ZFP30: variants seen among roughly 807,000 people sequenced by gnomAD.
ZFP30 encodes zinc finger protein 30 homolog.
In ZFP30, 16 loss-of-function variants were observed where a neutral mutation model predicts 12.3. That is an observed-to-expected ratio of 1.30 (90% CI 0.88 to 1.98). ZFP30 has a LOEUF of 1.98. Among genes scored for constraint, ZFP30 ranks in the 30% most tolerant of loss-of-function variants. The pLI, the probability that ZFP30 is intolerant of heterozygous loss-of-function variation, is 0.00. For missense variants in ZFP30, 560 were observed against 611.2 expected, an observed-to-expected ratio of 0.92 and a Z score of 0.88; for synonymous variants, 172 against 201.0, an observed-to-expected ratio of 0.86 and a Z score of 1.22.
chr19:37,631,204 A>T lies in ZFP30; in HGVS notation c.*3777T>A, dbSNP rs2044227139. 6.6e-6 allele frequency: 1 copy of T among 152,226 alleles called. No individual in the cohort carries two copies. The highest frequency in any genetic ancestry group is 1.5e-5 in the Non-Finnish European group (1 of 68,042). The allele number at this position is 152,226 out of a possible 1,614,324, so 9.4% of individuals were successfully genotyped here. A position where few individuals can be genotyped will look rare whatever the true frequency, so the allele number is the denominator to read the frequency against. ...TTTTGGTTACAGCACTTATCTGTTA[A>T]AATGGGTTCATATCCCATACTCACA... On this transcript the variant is annotated 3_prime_UTR_variant, in exon 6 of 6. Coordinates refer to ENST00000684514, the MANE Select transcript of ZFP30 (RefSeq NM_001320669.3).
At chr19:37,643,881 T>G (rs2044487694) in intron 4 of ZFP30, among the ~76,000 whole-genome samples, 1 of 152,218 alleles carries the variant, frequency 6.6e-6, no homozygotes. Flanking sequence ...AGTTAAAATA[T>G]GTCTGTTGTA....
rs933819761 is a variant in ZFP30, at chr19:37,631,414, C to T, written c.*3567G>A. 1 of 152,090 alleles carries T rather than the reference C, an allele frequency of 6.6e-6. No individual in the cohort carries two copies. Among genetic ancestry groups the T allele is most frequent in the Non-Finnish European group, 1.5e-5 (1 of 68,030 alleles). 9.4% of individuals were successfully genotyped at this position (152,090 alleles called of 1,614,324 possible). On this transcript the variant is annotated 3_prime_UTR_variant, in exon 6 of 6. Coordinates refer to ENST00000684514, the MANE Select transcript of ZFP30 (RefSeq NM_001320669.3). ...AAAATACCATCAAGCACTAGTGTTTCCTGGGAAATGGTTTCAAATGCTATC... is the reference window on the plus strand; with the variant it reads ...AAAATACCATCAAGCACTAGTGTTTTCTGGGAAATGGTTTCAAATGCTATC...
intron 3 of ZFP30, among the ~76,000 whole-genome samples, chr19:37,645,366 G>C (rs556302356): frequency 6.6e-6 from 1 of 152,152 alleles, no homozygotes; most frequent in South Asian, 2.1e-4. Context: ...TGTTCTTGAA[G>C]ATTTCTATAA....
In ZFP30 at chr19:37,646,246, G is replaced by A. The variant is rs185630266; in HGVS notation, c.10-1510C>T. ...AGGCATCCACTGGGGGTCTTGGAAT[G>A]TATCCCCCTTGGGTAACGAGGGACT... On this transcript the variant is annotated intron_variant, in intron 3 of 5. Transcript: ENST00000684514. Among the ~76,000 whole-genome samples the A allele has an allele frequency of 3.0e-3, 455 of 152,278 alleles. 1 individual carries two copies. The highest frequency in any genetic ancestry group is 4.5e-3 in the Non-Finnish European group (306 of 68,028).
chr19:37,637,080 T>C (rs1042881177), intron 5 of ZFP30, among the ~76,000 whole-genome samples: 5 of 152,172 alleles, frequency 3.3e-5, no homozygotes, highest in African/African-American at 7.2e-5. Flanking sequence ...TGGGTTTGCA[T>C]GGTTGGGTTT....
intron 2 of ZFP30, among the ~76,000 whole-genome samples, chr19:37,653,894 G>T (rs1164889088): frequency 6.6e-6 from 1 of 152,094 alleles, no homozygotes; most frequent in Non-Finnish European, 1.5e-5. Flanking sequence ...CCCTGTTCTG[G>T]TCCACTGCAG....
chr19:37,631,252 G>A lies in ZFP30; in HGVS notation c.*3729C>T, dbSNP rs1235844018. ...ACAAGCATTAAGAGTGAAAGTTACA[G>A]GGTAAAAGGTGCTTCAGATACATTA... On this transcript the variant is annotated 3_prime_UTR_variant, in exon 6 of 6. Coordinates refer to ENST00000684514, the MANE Select transcript of ZFP30 (RefSeq NM_001320669.3). 1 of 152,132 alleles carries A rather than the reference G, an allele frequency of 6.6e-6. No homozygotes were observed. Among genetic ancestry groups the A allele is most frequent in the Non-Finnish European group, 1.5e-5 (1 of 68,034 alleles). The allele number at this position is 152,132 out of a possible 1,614,324, so 9.4% of individuals were successfully genotyped here.
At chr19:37,654,069 G>C (rs1302684211) in intron 2 of ZFP30, among the ~76,000 whole-genome samples, 2 of 152,202 alleles carry the variant, frequency 1.3e-5, no homozygotes, top group African/African-American at 4.8e-5. Context: ...ACTCTCCTAA[G>C]AGCTTCACAA....
chr19:37,636,053 CA>C lies in ZFP30; in HGVS notation c.487del (p.Cys163ValfsTer129). 1.2e-6 allele frequency: 2 copies of C among 1,614,176 alleles called. No individual in the cohort carries two copies. Among genetic ancestry groups the C allele is most frequent in the Middle Eastern group, 3.3e-4 (2 of 6,062 alleles). Reference sequence around the variant, plus strand: ...TTGTCGTACTCTAAAAGCCTTCCCACATTCCCCACATTCGTAGGGTTTCTCT... The same window carrying C: ...TTGTCGTACTCTAAAAGCCTTCCCACTTCCCCACATTCGTAGGGTTTCTCT... ...NREKPYECGECGKAFRVRQQL... is the reference protein window; with the variant it reads ...NREKPYECGEXGKAFRVRQQL... On this transcript the variant is annotated frameshift_variant, in exon 6 of 6. Transcript: ENST00000684514. LOFTEE classifies it low-confidence loss of function (END_TRUNC).
intron 2 of ZFP30, among the ~76,000 whole-genome samples, chr19:37,652,985 C>T (rs1288013758): frequency 2.6e-5 from 4 of 151,788 alleles, no homozygotes; most frequent in Non-Finnish European, 4.4e-5. Context: ...GGCATGGTGG[C>T]GGGCACCTGT....
At chr19:37,642,883 T>C (rs2044463190) in intron 5 of ZFP30, among the ~76,000 whole-genome samples, 1 of 151,604 alleles carries the variant, frequency 6.6e-6, no homozygotes, top group South Asian at 2.1e-4. Flanking sequence ...AAACCCCGTC[T>C]CTACTAAAAA....
intron 2 of ZFP30, among the ~76,000 whole-genome samples, chr19:37,652,993 T>A (rs1215899051): frequency 6.6e-6 from 1 of 151,046 alleles, no homozygotes; most frequent in East Asian, 2.0e-4. Context: ...GGCGGGCACC[T>A]GTAATCCCAG....
At chr19:37,643,052 C>CAAA (rs951396776) in intron 5 of ZFP30, among the ~76,000 whole-genome samples, 4 of 61,340 alleles carry the variant, frequency 6.5e-5, no homozygotes, top group Non-Finnish European at 9.3e-5. Context: ...GACTCCGTCT[C>CAAA]AAAAAAAAAA....
rs1184104568 is a variant in ZFP30, at chr19:37,655,426, CAG to C, written c.-254_-253del. ...CTCCCAGCCCCAGCCTCACCCGACTCAGAGGATAGCCCAGCCCTGGGAGTCAG... is the reference window on the plus strand; with the variant it reads ...CTCCCAGCCCCAGCCTCACCCGACTCAGGATAGCCCAGCCCTGGGAGTCAG... On this transcript the variant is annotated 5_prime_UTR_variant, in exon 1 of 6. Transcript: ENST00000684514. The C allele has an allele frequency of 2.6e-5, 4 of 152,520 alleles. No homozygotes were observed. The highest frequency in any genetic ancestry group is 2.6e-4 in the Admixed American group (4 of 15,294). The allele number at this position is 152,520 out of a possible 1,614,324, so 9.4% of individuals were successfully genotyped here.
intron 3 of ZFP30, among the ~76,000 whole-genome samples, chr19:37,647,443 CCT>C (rs142228502): frequency 0.011 from 1,610 of 152,264 alleles, 29 homozygotes; most frequent in African/African-American, 0.037. Context: ...TAAGGGGTTT[CCT>C]CTTTCTCTTG....
intron 5 of ZFP30, among the ~76,000 whole-genome samples, chr19:37,639,785 T>G (rs757755373): frequency 6.2e-5 from 7 of 112,896 alleles, no homozygotes; most frequent in Non-Finnish European, 8.0e-5. Flanking sequence ...CCTGTAAAAT[T>G]TGAAGGTTTT....
intron 2 of ZFP30, among the ~76,000 whole-genome samples, chr19:37,653,118 CAAA>C (rs372066359): frequency 1.6e-4 from 8 of 48,628 alleles, no homozygotes; most frequent in Non-Finnish European, 2.6e-4. Context: ...AACTCCGTCT[CAAA>C]AAAAAAAAAA....
At position 37,650,121 on chromosome 19, in the gene ZFP30, T is replaced by C. The variant is rs1432102487; in HGVS notation, c.-77-2222A>G. Among the ~76,000 whole-genome samples the C allele has an allele frequency of 4.0e-5, 6 of 151,872 alleles. No homozygotes were observed. The East Asian group carries it at 1.2e-3, about 29-fold the overall frequency. ...TTTATTTGTTCTTCCCTGGAATCTT[T>C]ACATTTTTTTTTTTTTTAGGCAGGC... is the stretch of plus-strand genomic sequence containing the variant. On this transcript the variant is annotated intron_variant, in intron 2 of 5. Coordinates refer to ENST00000684514, the MANE Select transcript of ZFP30 (RefSeq NM_001320669.3).
At chr19:37,637,257 T>C (rs925770823) in intron 5 of ZFP30, among the ~76,000 whole-genome samples, 1 of 148,100 alleles carries the variant, frequency 6.8e-6, no homozygotes, top group Non-Finnish European at 1.5e-5. Flanking sequence ...CAAGCTGGAG[T>C]GGAATGGCGC....
Sources: allele counts gnomAD v4.1 joint callset (sites outside exome capture counted in the v4.1 genomes callset), GRCh38; gene constraint gnomAD v4.1.1; transcripts MANE v1.5; gene names NCBI Gene and HGNC (gene_info 2026-07-23, HGNC 2026-07-21).